LRRC47: variants seen among roughly 807,000 people sequenced by gnomAD.
LRRC47 encodes the protein leucine-rich repeat-containing protein 47.
Under a neutral mutation model 40.9 loss-of-function variants are expected in LRRC47, and 31 were observed. The observed-to-expected ratio is 0.76, with a 90% CI of 0.57 to 1.02. The LOEUF is 1.02. LRRC47 is among the 50% of genes least tolerant of loss of function. The probability of loss-of-function intolerance (pLI) is 0.00; values close to 1 mark genes in which losing one functional copy is unlikely to be tolerated. For synonymous variants in LRRC47, 427 were observed against 371.9 expected (o/e 1.15, Z -1.70); for missense variants, 726 against 796.1 (o/e 0.91, Z 1.06).
chr1:3,783,732 T>C, intron 4 of LRRC47: 1 of 491,280 alleles, frequency 2.0e-6, no homozygotes, highest in Non-Finnish European at 3.7e-6. Flanking sequence ...TCCTGTCCCA[T>C]CCTGAGGGCC....
At position 3,778,625 on chromosome 1, in the gene LRRC47, C is replaced by G. The variant is rs1194625514; in HGVS notation, c.*2463G>C. The stretch of plus-strand genomic sequence containing the variant: ...TGGGGTGAAGAAAACATCAGAGACA[C>G]CTGTGCTGCGAGTTAAATACATTTC... On this transcript the variant is annotated 3_prime_UTR_variant, in exon 7 of 7. Coordinates refer to ENST00000378251, the MANE Select transcript of LRRC47 (RefSeq NM_020710.3). 2.0e-5 allele frequency: 3 copies of G among 153,738 alleles called. No individual in the cohort carries two copies. Among genetic ancestry groups the G allele is most frequent in the African/African-American group, 7.2e-5 (3 of 41,506 alleles). The allele number at this position is 153,738 out of a possible 1,614,324, so 9.5% of individuals were successfully genotyped here. A position where few individuals can be genotyped will look rare whatever the true frequency, so the allele number is the denominator to read the frequency against.
Position 3,787,231 on chromosome 1 carries a change from A to C in LRRC47, c.695T>G (p.Phe232Cys), listed in dbSNP as rs768650875. Reference protein sequence around the residue: ...ADCPKLKEINFRGNKLRDKRL... With the variant: ...ADCPKLKEINCRGNKLRDKRL... The stretch of plus-strand genomic sequence containing the variant: ...CTTGTCCCTCAGCTTGTTCCCACGG[A>C]AATTGATCTCCTTGAGCTTGGGGCA... The change falls in exon 2 of 7, where the codon TTC (phenylalanine) becomes TGC (cysteine). Residue 232 changes from phenylalanine (F) to cysteine (C), a missense_variant. Coordinates refer to ENST00000378251, the MANE Select transcript of LRRC47 (RefSeq NM_020710.3). 9 of 1,613,700 alleles carry C rather than the reference A, an allele frequency of 5.6e-6. No individual in the cohort carries two copies. In the South Asian group the frequency reaches 8.8e-5, roughly 16 times the overall value.
intron 1 of LRRC47, among the ~76,000 whole-genome samples, chr1:3,788,791 C>A (rs866135822): frequency 1.3e-5 from 2 of 152,032 alleles, no homozygotes; most frequent in South Asian, 2.1e-4. Context: ...GAGGAAGCGA[C>A]AACTTAACAG....
At chr1:3,786,134 T>C (rs1195401952) in intron 2 of LRRC47, among the ~76,000 whole-genome samples, 1 of 151,944 alleles carries the variant, frequency 6.6e-6, no homozygotes, top group African/African-American at 2.4e-5. Context: ...CCTCCTGAAG[T>C]GCTGGGATTA....
rs996547765 is a variant in LRRC47 at position 3,779,147 on chromosome 1, G to A, written c.*1941C>T. On this transcript the variant is annotated 3_prime_UTR_variant, in exon 7 of 7. Transcript: ENST00000378251. ...ACAGTGGGCGAGACGGGAAGGCCTG[G>A]CGGTGACCAGACAAGTGGGTCCAGG... 1 of 152,332 alleles carries A rather than the reference G, an allele frequency of 6.6e-6. No individual in the cohort carries two copies. The allele number at this position is 152,332 out of a possible 1,614,324, so 9.4% of individuals were successfully genotyped here. A position where few individuals can be genotyped will look rare whatever the true frequency, so the allele number is the denominator to read the frequency against.
At position 3,796,033 on chromosome 1, in the gene LRRC47, C is replaced by T. The variant is rs752300433; in HGVS notation, c.444G>A (p.Leu148=). ...GNRLRELPAD[L]ARCAPRLQSL... is the part of the protein sequence containing the mutation. ...TCTGCAGGCGCGGGGCGCAGCGCGC[C>T]AGGTCGGCTGGCAGCTCGCGCAGCC... is the stretch of plus-strand genomic sequence containing the variant. The change falls in exon 1 of 7, where the codon CTG becomes CTA. Residue 148 remains leucine, a synonymous_variant. Transcript: ENST00000378251. The T allele has an allele frequency of 5.6e-5, 86 of 1,545,692 alleles. No homozygotes were observed. The Admixed American group carries it at 1.3e-3, about 24-fold the overall frequency.
chr1:3,791,889 G>A (rs574402155), intron 1 of LRRC47, among the ~76,000 whole-genome samples: 1 of 152,134 alleles, frequency 6.6e-6, no homozygotes, highest in South Asian at 2.1e-4. Context: ...GAGTAGCTGG[G>A]ACTACAGGTG....
chr1:3,791,174 C>A (rs551762539), intron 1 of LRRC47, among the ~76,000 whole-genome samples: 1 of 152,328 alleles, frequency 6.6e-6, no homozygotes, highest in Admixed American at 6.5e-5. Context: ...CGCGAGCGAC[C>A]AGCAGCAAGA....
At position 3,780,635 on chromosome 1, in the gene LRRC47, T is replaced by C. The variant is rs1643509612; in HGVS notation, c.*453A>G. 1 of 157,838 alleles carries C rather than the reference T, an allele frequency of 6.3e-6. No homozygotes were observed. The highest frequency in any genetic ancestry group is 2.4e-5 in the African/African-American group (1 of 41,532). The allele number at this position is 157,838 out of a possible 1,614,324, so 9.8% of individuals were successfully genotyped here. On this transcript the variant is annotated 3_prime_UTR_variant, in exon 7 of 7. Transcript: ENST00000378251. ...CTGGAAAAACAGAACAACGAATACA[T>C]ACATCTTAAAAAATGCTGGGGTGGG...
At position 3,781,471 on chromosome 1, in the gene LRRC47, C is replaced by G. The variant is rs374960810; in HGVS notation, c.1503+41G>C. The G allele has an allele frequency of 3.1e-6, 5 of 1,590,162 alleles. No individual in the cohort carries two copies. The African/African-American group carries it at 5.4e-5, about 17-fold the overall frequency. On this transcript the variant is annotated intron_variant, in intron 6 of 6. Coordinates refer to ENST00000378251, the MANE Select transcript of LRRC47 (RefSeq NM_020710.3). ...AAGTCAAGGAGCAGAGCACCACTCA[C>G]GCTCAAAAGCGTTTCTCAGGAGGAG...
chr1:3,782,249 C>A (rs1643527506), intron 5 of LRRC47, among the ~76,000 whole-genome samples: 1 of 148,678 alleles, frequency 6.7e-6, no homozygotes. Context: ...CGGAGTTTCA[C>A]TCTTGTTGCC....
intron 4 of LRRC47, 76 bp downstream of exon 4, chr1:3,783,920 C>G: frequency 8.0e-7 from 1 of 1,251,648 alleles, no homozygotes; most frequent in East Asian, 2.5e-5. Context: ...TCCTGAGGAG[C>G]ACAGACTAAC....
At chr1:3,785,025 G>T in intron 3 of LRRC47, 62 bp downstream of exon 3, 1 of 1,295,332 alleles carries the variant, frequency 7.7e-7, no homozygotes, top group Non-Finnish European at 1.1e-6. Context: ...TGCAGTAGCA[G>T]CATGGCGTCT....
intron 2 of LRRC47, chr1:3,785,627 T>G (rs1309615819): frequency 6.6e-6 from 1 of 152,430 alleles, no homozygotes; most frequent in African/African-American, 2.4e-5. Flanking sequence ...GCTCTGTCGC[T>G]GCCACTGCGG....
intron 1 of LRRC47, among the ~76,000 whole-genome samples, chr1:3,793,915 G>C (rs772974371): frequency 2.6e-5 from 4 of 152,110 alleles, no homozygotes; most frequent in Non-Finnish European, 5.9e-5. Context: ...AATAAAACTC[G>C]GCCGGGCGCG....
intron 2 of LRRC47, 86 bp from the exon 3 acceptor site, chr1:3,785,289 G>T: frequency 2.0e-6 from 2 of 989,986 alleles, no homozygotes; most frequent in Non-Finnish European, 1.4e-6. Flanking sequence ...GCTGGGCTGT[G>T]TGCCAGGAAA....
chr1:3,796,430 G>GCCAGCT lies in LRRC47; in HGVS notation c.41_46dup (p.Glu14_Leu15dup), dbSNP rs1450835094. 1 of 1,520,750 alleles carries GCCAGCT rather than the reference G, an allele frequency of 6.6e-7. No individual in the cohort carries two copies. The highest frequency in any genetic ancestry group is 1.2e-5 in the South Asian group (1 of 83,144). 94.2% of individuals were successfully genotyped at this position (1,520,750 alleles called of 1,614,324 possible). On this transcript the variant is annotated inframe_insertion, in exon 1 of 7. Coordinates refer to ENST00000378251, the MANE Select transcript of LRRC47 (RefSeq NM_020710.3). ...CAGCTCCCGCCGCCGCTCGCGCTCA[G>GCCAGCT]CCAGCTCCAGCTCCGGCCAAGACTC... is the stretch of plus-strand genomic sequence containing the variant.
chr1:3,791,645 G>C (rs987681042), intron 1 of LRRC47, among the ~76,000 whole-genome samples: 1 of 152,146 alleles, frequency 6.6e-6, no homozygotes, highest in East Asian at 1.9e-4. Flanking sequence ...TAGTAGAGAC[G>C]GGGTTTCTCC....
In LRRC47 at chr1:3,787,318, G is replaced by T. The variant is rs745932716; in HGVS notation, c.616-8C>A. 6.2e-7 allele frequency: 1 copy of T among 1,604,552 alleles called. No homozygotes were observed. Among genetic ancestry groups the T allele is most frequent in the Non-Finnish European group, 8.5e-7 (1 of 1,177,226 alleles). ...GTTCGAGAGGTCCAACGTCTGCAAA[G>T]AGAAACATGGACGCGTCAGACGCCC... On this transcript the variant is annotated splice_region_variant and splice_polypyrimidine_tract_variant and intron_variant, in intron 1 of 6. Transcript: ENST00000378251.
Sources: gnomAD v4.1 joint callset for allele counts (sites outside exome capture counted in the v4.1 genomes callset) on GRCh38, gnomAD v4.1.1 for gene constraint, MANE v1.5 for transcripts, NCBI Gene and HGNC (gene_info 2026-07-23, HGNC 2026-07-21) for gene names.